Variants in ASPRV1 observed in about 807,000 individuals in gnomAD.
ASPRV1 encodes aspartic peptidase retroviral like 1.
Under a neutral mutation model 11.0 loss-of-function variants are expected in ASPRV1, and 7 were observed. The observed-to-expected ratio is 0.64, with a 90% CI of 0.36 to 1.20. ASPRV1 has a LOEUF of 1.20. Ranked by LOEUF, ASPRV1 falls within the 50% of genes most tolerant of loss-of-function variation. ASPRV1 has a pLI of 0.02. For synonymous variants in ASPRV1, 136 were observed against 138.4 expected, an observed-to-expected ratio of 0.98 and a Z score of 0.12; for missense variants, 299 against 320.0, an observed-to-expected ratio of 0.93 and a Z score of 0.50.
chr2:70,037,587 C>G, the ASPRV1 span, among the ~76,000 whole-genome samples: 4 of 152,222 alleles, frequency 2.6e-5, no homozygotes, highest in Non-Finnish European at 5.9e-5. Flanking sequence ...CTTTGTTAGT[C>G]ACATTTGAAT....
the ASPRV1 span, among the ~76,000 whole-genome samples, chr2:70,035,279 T>G: frequency 6.6e-6 from 1 of 152,278 alleles, no homozygotes; most frequent in African/African-American, 2.4e-5. Flanking sequence ...TGACTGGGAC[T>G]CAAGTGATAC....
chr2:69,988,674 G>A, the ASPRV1 span: 1 of 421,470 alleles, frequency 2.4e-6, no homozygotes, highest in Admixed American at 2.6e-5. Context: ...CATTAAAATG[G>A]TCGATTTTAT....
Position 69,961,225 on chromosome 2 carries a change from G to A in ASPRV1, c.212C>T (p.Pro71Leu). ...EALGVYNRLS[P>L]QDQGDYGTVK... ...AGTCCCATAGTCTCCCTGGTCCTGG[G>A]GACTGAGCCTATTGTAGACACCCAG... The change falls in exon 1 of 1, where the codon CCC becomes CTC. Residue 71 changes from proline (P) to leucine (L), a missense_variant. Coordinates refer to ENST00000320256, the MANE Select transcript of ASPRV1 (RefSeq NM_152792.4). The A allele has an allele frequency of 6.2e-7, 1 of 1,614,036 alleles. No homozygotes were observed. The highest frequency in any genetic ancestry group is 8.5e-7 in the Non-Finnish European group (1 of 1,179,978).
chr2:69,982,291 TAAA>T, the ASPRV1 span, among the ~76,000 whole-genome samples: 1 of 129,320 alleles, frequency 7.7e-6, no homozygotes. Flanking sequence ...TCATCCCTAC[TAAA>T]AAAAAAAAAA....
At chr2:70,006,297 C>T in the ASPRV1 span, among the ~76,000 whole-genome samples, 2 of 152,298 alleles carry the variant, frequency 1.3e-5, no homozygotes, top group East Asian at 1.9e-4. Context: ...CTCCCACCTC[C>T]GCAAAGGTCT....
the ASPRV1 span, chr2:69,938,236 C>T: frequency 1.2e-6 from 2 of 1,614,160 alleles, no homozygotes; most frequent in African/African-American, 1.3e-5. Flanking sequence ...GCACCAGCAT[C>T]AAGAGAATAA....
the ASPRV1 span, among the ~76,000 whole-genome samples, chr2:69,950,517 C>CATCTAAACAA: frequency 0.011 from 1,687 of 152,190 alleles, 30 homozygotes; most frequent in South Asian, 0.037. Context: ...AGGTTTATAA[C>CATCTAAACAA]AGCAAAATGT....
At chr2:70,086,473 A>T in the ASPRV1 span, 1 of 152,286 alleles carries the variant, frequency 6.6e-6, no homozygotes, top group Non-Finnish European at 1.5e-5. Flanking sequence ...AGCGGGAAGA[A>T]CCGGCAAAAA....
downstream of ASPRV1, among the ~76,000 whole-genome samples, chr2:69,957,576 T>A (rs1677968670): frequency 6.6e-6 from 1 of 151,684 alleles, no homozygotes; most frequent in South Asian, 2.1e-4. Flanking sequence ...CCAGGGCTTT[T>A]CAAACTCTTA....
the ASPRV1 span, among the ~76,000 whole-genome samples, chr2:69,946,612 G>A: frequency 6.6e-6 from 1 of 152,170 alleles, no homozygotes; most frequent in Non-Finnish European, 1.5e-5. Flanking sequence ...CATGTGACTT[G>A]GATTTTCAGA....
chr2:69,937,356 G>A, the ASPRV1 span: 8 of 1,613,638 alleles, frequency 5.0e-6, no homozygotes, highest in East Asian at 8.9e-5. Context: ...GACAGCATCG[G>A]CTCCACCGTC....
At chr2:69,941,237 C>T in the ASPRV1 span, 1 of 152,194 alleles carries the variant, frequency 6.6e-6, no homozygotes, top group African/African-American at 2.4e-5. Context: ...TAATTTCATG[C>T]AGTGGGAAAA....
At chr2:70,047,041 AG>A in the ASPRV1 span, among the ~76,000 whole-genome samples, 1 of 152,316 alleles carries the variant, frequency 6.6e-6, no homozygotes, top group South Asian at 2.1e-4. Flanking sequence ...CCCTGACTTC[AG>A]GAAGAAGCAA....
At chr2:70,074,464 T>C in the ASPRV1 span, among the ~76,000 whole-genome samples, 1 of 151,520 alleles carries the variant, frequency 6.6e-6, no homozygotes, top group Non-Finnish European at 1.5e-5. Flanking sequence ...TTTTTTTGTA[T>C]TTTTAGTAGA....
the ASPRV1 span, chr2:70,015,994 A>G: frequency 1.3e-5 from 2 of 152,194 alleles, no homozygotes; most frequent in African/African-American, 4.8e-5. Context: ...AGACTTCAAT[A>G]GTCCACTTTC....
At chr2:70,083,966 G>A in the ASPRV1 span, among the ~76,000 whole-genome samples, 1 of 152,130 alleles carries the variant, frequency 6.6e-6, no homozygotes, top group African/African-American at 2.4e-5. Context: ...CCAGACCACA[G>A]CATCACCCAA....
the ASPRV1 span, among the ~76,000 whole-genome samples, chr2:69,980,864 C>A: frequency 6.6e-6 from 1 of 152,212 alleles, no homozygotes; most frequent in Non-Finnish European, 1.5e-5. Flanking sequence ...CAATCTCCCC[C>A]TCCTGGATTC....
chr2:70,009,142 A>C, the ASPRV1 span, among the ~76,000 whole-genome samples: 1 of 152,170 alleles, frequency 6.6e-6, no homozygotes, highest in African/African-American at 2.4e-5. Flanking sequence ...GCAAAGCAAA[A>C]AGTGTAAACA....
chr2:69,957,478 T>C (rs1677966503), downstream of ASPRV1, among the ~76,000 whole-genome samples: 2 of 151,186 alleles, frequency 1.3e-5, no homozygotes. Flanking sequence ...TCTGGGGAAC[T>C]GGCATGCATT....
Sources: allele counts gnomAD v4.1 joint callset (sites outside exome capture counted in the v4.1 genomes callset), GRCh38; gene constraint gnomAD v4.1.1; transcripts MANE v1.5; gene names NCBI Gene and HGNC (gene_info 2026-07-23, HGNC 2026-07-21).